The following KCNA6 variants were observed in gnomAD, a reference collection of about 807,000 sequenced individuals.
KCNA6 encodes the protein potassium voltage-gated channel subfamily A member 6, also known as human brain potassium channel-2.
In KCNA6, 17 loss-of-function variants were observed where a neutral mutation model predicts 29.5. The observed-to-expected ratio is 0.58, with a 90% CI of 0.39 to 0.86. KCNA6 has a LOEUF of 0.86. KCNA6 is among the 40% of genes least tolerant of loss of function. The pLI, the probability that KCNA6 is intolerant of heterozygous loss-of-function variation, is 0.00. For missense variants in KCNA6, 450 were observed against 703.4 expected, an observed-to-expected ratio of 0.64 and a Z score of 4.07; for synonymous variants, 296 against 304.7, an observed-to-expected ratio of 0.97 and a Z score of 0.30.
chr12:4,809,839 C>T, exon 1 of KCNA6: 1 of 542,950 alleles, frequency 1.8e-6, no homozygotes, highest in East Asian at 3.1e-5. Flanking sequence ...CCCCAGCGCC[C>T]AGGTCACCTC....
chr12:4,845,887 T>C, the KCNA6 span, among the ~76,000 whole-genome samples: 3 of 152,142 alleles, frequency 2.0e-5, no homozygotes, highest in African/African-American at 7.2e-5. Flanking sequence ...CTTGGAACTC[T>C]TTAGCTGTTT....
At chr12:4,809,982 G>C in exon 1 of KCNA6, 1 of 1,486,444 alleles carries the variant, frequency 6.7e-7, no homozygotes, top group Non-Finnish European at 8.9e-7. Flanking sequence ...CGGGTGCCGC[G>C]CTCCAGAGAT....
At chr12:4,843,803 C>G in the KCNA6 span, among the ~76,000 whole-genome samples, 1 of 152,130 alleles carries the variant, frequency 6.6e-6, no homozygotes, top group African/African-American at 2.4e-5. Flanking sequence ...AGAACTCACT[C>G]GCTATCTCAA....
chr12:4,835,477 C>T, the KCNA6 span, among the ~76,000 whole-genome samples: 36,102 of 151,444 alleles, frequency 0.24, 4,608 homozygotes, highest in Middle Eastern at 0.38. Context: ...CCTTTTTTTT[C>T]CTCCATTTCT....
At chr12:4,849,394 T>A in the KCNA6 span, among the ~76,000 whole-genome samples, 1 of 152,016 alleles carries the variant, frequency 6.6e-6, no homozygotes. Flanking sequence ...TTTCTGTTCA[T>A]TTCCCTTTGA....
chr12:4,836,341 G>A, the KCNA6 span, among the ~76,000 whole-genome samples: 1 of 152,160 alleles, frequency 6.6e-6, no homozygotes, highest in Non-Finnish European at 1.5e-5. Context: ...AAGTGATACT[G>A]TGAAGGCAGG....
At chr12:4,849,359 CAT>C in the KCNA6 span, among the ~76,000 whole-genome samples, 723 of 152,158 alleles carry the variant, frequency 4.8e-3, 8 homozygotes, top group African/African-American at 0.016. Context: ...TCCTGAATCA[CAT>C]GTGTGTGGGA....
the KCNA6 span, among the ~76,000 whole-genome samples, chr12:4,833,964 T>C: frequency 6.6e-6 from 1 of 150,706 alleles, no homozygotes; most frequent in African/African-American, 2.4e-5. Context: ...GGTCTTCCTC[T>C]GTCACCCAGG....
the KCNA6 span, among the ~76,000 whole-genome samples, chr12:4,843,545 G>A: frequency 6.6e-6 from 1 of 152,138 alleles, no homozygotes; most frequent in Non-Finnish European, 1.5e-5. Flanking sequence ...CAATAGTTAC[G>A]TTAGGCCATT....
chr12:4,831,146 G>C, the KCNA6 span, among the ~76,000 whole-genome samples: 2 of 152,190 alleles, frequency 1.3e-5, no homozygotes, highest in African/African-American at 4.8e-5. Context: ...CCAGGTGAGA[G>C]GATTTGCAAG....
At chr12:4,838,619 C>T in the KCNA6 span, among the ~76,000 whole-genome samples, 1 of 152,204 alleles carries the variant, frequency 6.6e-6, no homozygotes, top group Non-Finnish European at 1.5e-5. Flanking sequence ...AACACATAAC[C>T]TATCTGCCAT....
downstream of KCNA6, among the ~76,000 whole-genome samples, chr12:4,815,037 C>T (rs1416419767): frequency 6.6e-6 from 1 of 152,118 alleles, no homozygotes; most frequent in East Asian, 1.9e-4. Flanking sequence ...TTTTTCTGTG[C>T]ATTTTTCTCT....
At chr12:4,821,175 C>T in the KCNA6 span, among the ~76,000 whole-genome samples, 8 of 152,298 alleles carry the variant, frequency 5.3e-5, no homozygotes, top group East Asian at 5.8e-4. Context: ...GGAGGAAGAA[C>T]GTGTCCAGAA....
At chr12:4,825,215 G>A in the KCNA6 span, among the ~76,000 whole-genome samples, 2 of 152,084 alleles carry the variant, frequency 1.3e-5, no homozygotes. Flanking sequence ...AATAACTCAT[G>A]CCAGAGTTCC....
chr12:4,844,802 A>T, the KCNA6 span, among the ~76,000 whole-genome samples: 1 of 152,206 alleles, frequency 6.6e-6, no homozygotes, highest in Non-Finnish European at 1.5e-5. The surrounding 1 kb of genome is among the most constrained non-coding windows in gnomAD (Gnocchi z 4.0). Flanking sequence ...ATCTGTCATT[A>T]TCACTATCAA....
At chr12:4,824,269 T>C in the KCNA6 span, among the ~76,000 whole-genome samples, 3 of 152,244 alleles carry the variant, frequency 2.0e-5, no homozygotes, top group Non-Finnish European at 4.4e-5. Flanking sequence ...CAAGGTCTCT[T>C]GTCCAAACGT....
At chr12:4,824,051 C>T in the KCNA6 span, among the ~76,000 whole-genome samples, 2 of 152,132 alleles carry the variant, frequency 1.3e-5, no homozygotes, top group African/African-American at 4.8e-5. Context: ...CCTGTGTGAC[C>T]CGGGGAGAGT....
At chr12:4,837,604 C>T in the KCNA6 span, among the ~76,000 whole-genome samples, 1 of 151,888 alleles carries the variant, frequency 6.6e-6, no homozygotes, top group East Asian at 1.9e-4. Flanking sequence ...GGGAGGAATC[C>T]CCAAAGATTT....
the KCNA6 span, among the ~76,000 whole-genome samples, chr12:4,820,969 T>TAAA: frequency 6.6e-6 from 1 of 152,188 alleles, no homozygotes; most frequent in Non-Finnish European, 1.5e-5. Context: ...GTCAAGGGGT[T>TAAA]ATCTGAGTCT....
Sources: gnomAD v4.1 joint callset for allele counts (sites outside exome capture counted in the v4.1 genomes callset) on GRCh38, gnomAD v4.1.1 for gene constraint, Gnocchi (gnomAD v3.1) non-coding constraint, MANE v1.5 for transcripts, NCBI Gene and HGNC (gene_info 2026-07-23, HGNC 2026-07-21) for gene names.